Variants in PPP6R2 observed in about 807,000 individuals in gnomAD.
PPP6R2 encodes the protein protein phosphatase 6 regulatory subunit 2.
In PPP6R2, 62 loss-of-function variants were observed where a neutral mutation model predicts 100.2. The ratio of observed to expected loss-of-function variants is 0.62; its 90% CI spans 0.50 to 0.76. The LOEUF is 0.76. Among genes scored for constraint, PPP6R2 ranks in the 30% least tolerant of loss-of-function variants. The pLI is 0.00. For missense variants in PPP6R2, 1,142 were observed against 1,276.3 expected (o/e 0.89, Z 1.60); for synonymous variants, 525 against 514.7 (o/e 1.02, Z -0.27).
intron 2 of PPP6R2, among the ~76,000 whole-genome samples, chr22:50,375,662 C>G (rs2051339255): frequency 1.3e-5 from 2 of 151,968 alleles, no homozygotes; most frequent in Admixed American, 6.6e-5. Context: ...AATTGTAGCT[C>G]TGTATTGGCC....
the PPP6R2 span, among the ~76,000 whole-genome samples, chr22:50,338,150 G>A: frequency 1.5e-3 from 211 of 139,836 alleles, 2 homozygotes; most frequent in African/African-American, 5.5e-3. Flanking sequence ...TAGTGTGTGT[G>A]GTATGTGTGT....
In PPP6R2 at chr22:50,422,395, C is replaced by T. The variant is rs1221751501; in HGVS notation, c.972+15C>T. On this transcript the variant is annotated intron_variant, in intron 9 of 23. Coordinates refer to ENST00000612753, the MANE Select transcript of PPP6R2 (RefSeq NM_001242898.2). ...ACCCGCCCAAGGTAAATGGCCGTGGCGACTGCTGAGTGCCTTTGGAGGCGT... is the reference window on the plus strand; with the variant it reads ...ACCCGCCCAAGGTAAATGGCCGTGGTGACTGCTGAGTGCCTTTGGAGGCGT... 61 of 1,612,944 alleles carry T rather than the reference C, an allele frequency of 3.8e-5. No individual in the cohort carries two copies. The Admixed American group carries it at 8.4e-4, about 22-fold the overall frequency.
chr22:50,336,525 A>G, the PPP6R2 span, among the ~76,000 whole-genome samples: 6 of 152,004 alleles, frequency 3.9e-5, no homozygotes, highest in Non-Finnish European at 7.4e-5. Flanking sequence ...ACAGTCGTGC[A>G]TCACCATGCC....
In PPP6R2 at chr22:50,436,587, G is replaced by A. The variant is rs539369126; in HGVS notation, c.1602+135G>A. On this transcript the variant is annotated intron_variant, in intron 14 of 23. Coordinates refer to ENST00000612753, the MANE Select transcript of PPP6R2 (RefSeq NM_001242898.2). Reference sequence around the variant, plus strand: ...GCCTGCCTGCTCCTCTTGACTATGCGGTGCCCCTGCATAGTGTGTCCTCCG... The same window carrying A: ...GCCTGCCTGCTCCTCTTGACTATGCAGTGCCCCTGCATAGTGTGTCCTCCG... 14 of 832,102 alleles carry A rather than the reference G, an allele frequency of 1.7e-5. No individual in the cohort carries two copies. In the East Asian group the frequency reaches 1.9e-4, roughly 11 times the overall value. The allele number at this position is 832,102 out of a possible 1,614,324, so 51.5% of individuals were successfully genotyped here.
intron 4 of PPP6R2, among the ~76,000 whole-genome samples, chr22:50,411,632 T>G (rs938616900): frequency 6.6e-6 from 1 of 151,590 alleles, no homozygotes; most frequent in Non-Finnish European, 1.5e-5. Context: ...CCGGCACCTG[T>G]AATCACAGCT....
the PPP6R2 span, among the ~76,000 whole-genome samples, chr22:50,336,374 A>G: frequency 2.6e-5 from 4 of 151,818 alleles, no homozygotes; most frequent in East Asian, 7.8e-4. Context: ...CAGGGTCATT[A>G]TTTTATTTTA....
chr22:50,336,708 TTTAA>T, the PPP6R2 span, among the ~76,000 whole-genome samples: 3 of 152,064 alleles, frequency 2.0e-5, no homozygotes, highest in Admixed American at 1.3e-4. Context: ...CCTTCTTTAT[TTTAA>T]TTAATTAATT....
chr22:50,359,791 C>G (rs966415379), intron 1 of PPP6R2, among the ~76,000 whole-genome samples: 6 of 151,968 alleles, frequency 3.9e-5, no homozygotes, highest in Non-Finnish European at 7.4e-5. Flanking sequence ...GTGTGACTTT[C>G]TTTTCTTTTG....
Position 50,435,115 on chromosome 22 carries a change from C to T in PPP6R2, c.1516+34C>T, listed in dbSNP as rs780166963. On this transcript the variant is annotated intron_variant, in intron 13 of 23. Transcript: ENST00000612753. ...CCAACCCGGTCATCCTTCTGCTGGTCGCGGGCACCGGGACCCCGAAGGAGC... is the reference window on the plus strand; with the variant it reads ...CCAACCCGGTCATCCTTCTGCTGGTTGCGGGCACCGGGACCCCGAAGGAGC... 13 of 1,465,998 alleles carry T rather than the reference C, an allele frequency of 8.9e-6. No homozygotes were observed. In the South Asian group the frequency reaches 1.4e-4, roughly 16 times the overall value. The allele number at this position is 1,465,998 out of a possible 1,614,324, so 90.8% of individuals were successfully genotyped here.
At chr22:50,400,111 G>C (rs2057773305) in intron 3 of PPP6R2, among the ~76,000 whole-genome samples, 1 of 152,222 alleles carries the variant, frequency 6.6e-6, no homozygotes, top group African/African-American at 2.4e-5. Context: ...AAGCAGCAGT[G>C]GGTCACAGCG....
intron 1 of PPP6R2, among the ~76,000 whole-genome samples, chr22:50,350,953 A>T (rs1364721147): frequency 1.3e-5 from 2 of 150,156 alleles, no homozygotes; most frequent in African/African-American, 4.9e-5. Flanking sequence ...CTCTTGGGTG[A>T]CTAGATGCAT....
upstream of PPP6R2, among the ~76,000 whole-genome samples, chr22:50,340,341 TGTG>T (rs1336489914): frequency 1.8e-5 from 2 of 109,358 alleles, no homozygotes; most frequent in Non-Finnish European, 3.6e-5. Context: ...AGGGTGTGTA[TGTG>T]GTGTGTGTGT....
the PPP6R2 span, among the ~76,000 whole-genome samples, chr22:50,332,678 C>T: frequency 6.8e-6 from 1 of 146,964 alleles, no homozygotes; most frequent in Admixed American, 6.9e-5. Context: ...GGCTGAAGTG[C>T]AATGGCGTGA....
chr22:50,364,249 C>A (rs1236823390), intron 1 of PPP6R2, among the ~76,000 whole-genome samples: 1 of 152,056 alleles, frequency 6.6e-6, no homozygotes, highest in African/African-American at 2.4e-5. Context: ...TGGAAAAGGA[C>A]CCTGTATAAA....
At chr22:50,372,426 G>A (rs1313416280) in intron 2 of PPP6R2, among the ~76,000 whole-genome samples, 1 of 151,960 alleles carries the variant, frequency 6.6e-6, no homozygotes, top group Non-Finnish European at 1.5e-5. Flanking sequence ...GTGTGTACCT[G>A]TAATCCCAGC....
intron 1 of PPP6R2, among the ~76,000 whole-genome samples, chr22:50,370,800 G>C (rs2050028917): frequency 6.7e-6 from 1 of 148,582 alleles, no homozygotes; most frequent in Non-Finnish European, 1.5e-5. Context: ...TGCCTCGCTA[G>C]TTTTTGTATT....
chr22:50,437,867 G>T lies in PPP6R2; in HGVS notation c.1806G>T (p.Glu602Asp). 1 of 1,554,248 alleles carries T rather than the reference G, an allele frequency of 6.4e-7. No individual in the cohort carries two copies. Among genetic ancestry groups the T allele is most frequent in the South Asian group, 1.2e-5 (1 of 84,510 alleles). Residue 602 changes from glutamate to aspartate, a missense_variant, in exon 17 of 24, where the codon GAG becomes GAT. By Grantham distance (45) the Glu-to-Asp change is conservative. Coordinates refer to ENST00000612753, the MANE Select transcript of PPP6R2 (RefSeq NM_001242898.2). ...NINAPFDRIAEINFNIDADED... is the reference protein window; with the variant it reads ...NINAPFDRIADINFNIDADED... ...GTGCCCCGTTTGACAGGATCGCAGAGATCAACTTCAACATCGACGCTGACG... is the reference window on the plus strand; with the variant it reads ...GTGCCCCGTTTGACAGGATCGCAGATATCAACTTCAACATCGACGCTGACG...
At chr22:50,414,331 G>GGCCCCCCCCCCCCCC (rs2060189395) in intron 4 of PPP6R2, among the ~76,000 whole-genome samples, 2 of 26,776 alleles carry the variant, frequency 7.5e-5, no homozygotes, top group African/African-American at 1.7e-4. Flanking sequence ...CTGTGCAGTG[G>GGCCCCCCCCCCCCCC]CCCCCCCCCC....
intron 10 of PPP6R2, among the ~76,000 whole-genome samples, chr22:50,429,991 T>A (rs1206825036): frequency 6.6e-6 from 1 of 151,614 alleles, no homozygotes; most frequent in Non-Finnish European, 1.5e-5. Context: ...CGAATCCTGG[T>A]GTGGAATATA....
Sources: gnomAD v4.1 joint callset for allele counts (sites outside exome capture counted in the v4.1 genomes callset) on GRCh38, gnomAD v4.1.1 for gene constraint, MANE v1.5 for transcripts, NCBI Gene and HGNC (gene_info 2026-07-23, HGNC 2026-07-21) for gene names.